Variants in FLT1 observed in about 807,000 individuals in gnomAD.
FLT1 encodes the protein vascular endothelial growth factor receptor 1.
Under a neutral mutation model 156.3 loss-of-function variants are expected in FLT1, and 49 were observed. That is an observed-to-expected ratio of 0.31 (90% CI 0.25 to 0.40). The LOEUF (loss-of-function observed/expected upper bound fraction) is 0.40. FLT1 is among the 10% of genes least tolerant of loss of function. The pLI, the probability that FLT1 is intolerant of heterozygous loss-of-function variation, is 1.00. For synonymous variants in FLT1, 594 were observed against 583.8 expected (o/e 1.02, Z -0.25); for missense variants, 1,322 against 1,637.2 (o/e 0.81, Z 3.32).
chr13:28,332,476 A>C (rs1369373528), intron 18 of FLT1, among the ~76,000 whole-genome samples: 1 of 152,148 alleles, frequency 6.6e-6, no homozygotes, highest in African/African-American at 2.4e-5. Context: ...TTCCAGATTT[A>C]GTTTCCACCT....
At chr13:28,450,959 A>C (rs1021167837) in intron 3 of FLT1, among the ~76,000 whole-genome samples, 1 of 152,216 alleles carries the variant, frequency 6.6e-6, no homozygotes, top group Non-Finnish European at 1.5e-5. Context: ...GGGAGAAATG[A>C]GGGCCCAGAA....
rs764448426 is a variant in FLT1, at chr13:28,427,806, T to C, written c.1222A>G (p.Ser408Gly). 1 of 1,613,994 alleles carries C rather than the reference T, an allele frequency of 6.2e-7. No homozygotes were observed. The highest frequency in any genetic ancestry group is 8.5e-7 in the Non-Finnish European group (1 of 1,179,876). ...EDAGNYTILL[S>G]IKQSNVFKNL... The stretch of plus-strand genomic sequence containing the variant: ...TTAAACACATTTGACTGTTTTATGC[T>C]CAGCAAGATTGTATAATTCCCTGCA... Residue 408 changes from serine to glycine, a missense_variant, in exon 9 of 30, where the codon AGC becomes GGC. Physicochemically the swap from Ser to Gly is moderately conservative, Grantham distance 56. This residue lies in a region of FLT1 where 991 missense variants were observed against 1,254.8 expected (regional missense o/e 0.79). Transcript: ENST00000282397.
chr13:28,345,567 A>T lies in FLT1; in HGVS notation c.2249-16T>A, dbSNP rs2138859516. On this transcript the variant is annotated splice_polypyrimidine_tract_variant and intron_variant, in intron 15 of 29. Coordinates refer to ENST00000282397, the MANE Select transcript of FLT1 (RefSeq NM_002019.4). ...TCCGAGGTTCCTGGAGAGAAAAAAA[A>T]TCACAATAGTGGTGCAACAAAGAAA... 6.9e-7 allele frequency: 1 copy of T among 1,448,316 alleles called. No individual in the cohort carries two copies. The highest frequency in any genetic ancestry group is 9.7e-7 in the Non-Finnish European group (1 of 1,033,698). 89.7% of individuals were successfully genotyped at this position (1,448,316 alleles called of 1,614,324 possible).
chr13:28,370,001 AC>A (rs1462933338), intron 14 of FLT1, among the ~76,000 whole-genome samples: 1 of 152,040 alleles, frequency 6.6e-6, no homozygotes, highest in Non-Finnish European at 1.5e-5. Flanking sequence ...GGAGTTCAGG[AC>A]CAGCCTGGGC....
chr13:28,349,637 G>A (rs983216928), intron 15 of FLT1, among the ~76,000 whole-genome samples: 15 of 152,238 alleles, frequency 9.9e-5, no homozygotes, highest in African/African-American at 3.1e-4. Flanking sequence ...GATGCTTCCC[G>A]CATGGAATGC....
intron 3 of FLT1, among the ~76,000 whole-genome samples, chr13:28,456,717 A>T (rs1400243229): frequency 1.3e-5 from 2 of 151,398 alleles, no homozygotes; most frequent in Non-Finnish European, 2.9e-5. Context: ...AATCGTTTGA[A>T]CCCTGGAGGC....
At position 28,327,498 on chromosome 13, in the gene FLT1, G is replaced by A. The variant is rs754441523; in HGVS notation, c.2760C>T (p.Tyr920=). Residue 920 remains tyrosine, a synonymous_variant, in exon 20 of 30, where the codon TAC becomes TAT. Coordinates refer to ENST00000282397, the MANE Select transcript of FLT1 (RefSeq NM_002019.4). ...EYCKYGNLSN[Y]LKSKRDLFFL... ...AAAATAAGTCACGTTTGCTCTTGAG[G>A]TAGTTGGAGAGATTTCCATATTTGC... 6.2e-7 allele frequency: 1 copy of A among 1,613,552 alleles called. No individual in the cohort carries two copies. Among genetic ancestry groups the A allele is most frequent in the Non-Finnish European group, 8.5e-7 (1 of 1,179,492 alleles).
chr13:28,389,649 G>T, intron 13 of FLT1, 147 bp downstream of exon 13: 1 of 1,503,840 alleles, frequency 6.6e-7, no homozygotes, highest in Non-Finnish European at 8.9e-7. Flanking sequence ...GTTAGCAACA[G>T]TGACAATAAA....
At chr13:28,316,921 C>G (rs1194305704) in intron 25 of FLT1, among the ~76,000 whole-genome samples, 2 of 152,178 alleles carry the variant, frequency 1.3e-5, no homozygotes, top group Non-Finnish European at 2.9e-5. Flanking sequence ...CTGCGCCCGG[C>G]CCCTATTCCT....
chr13:28,449,501 G>A (rs571511612), intron 3 of FLT1, among the ~76,000 whole-genome samples: 15 of 152,164 alleles, frequency 9.9e-5, no homozygotes, highest in East Asian at 9.7e-4. Flanking sequence ...AACAACTGTC[G>A]CCACTATTGG....
At chr13:28,484,133 T>G (rs1324629233) in intron 1 of FLT1, among the ~76,000 whole-genome samples, 1 of 152,220 alleles carries the variant, frequency 6.6e-6, no homozygotes, top group Non-Finnish European at 1.5e-5. Flanking sequence ...TCACATTTTT[T>G]TCCCTTCCCT....
At chr13:28,403,071 G>A (rs1229497559) in intron 11 of FLT1, among the ~76,000 whole-genome samples, 2 of 152,192 alleles carry the variant, frequency 1.3e-5, no homozygotes, top group African/African-American at 4.8e-5. Flanking sequence ...TGGGATTACA[G>A]GCATGAGGCA....
chr13:28,412,885 C>T (rs1876394190), intron 10 of FLT1, among the ~76,000 whole-genome samples: 1 of 151,908 alleles, frequency 6.6e-6, no homozygotes, highest in Admixed American at 6.6e-5. Context: ...ACAGATGAAA[C>T]AATATAGGAG....
At chr13:28,334,832 A>G (rs539128367) in intron 17 of FLT1, among the ~76,000 whole-genome samples, 2 of 152,180 alleles carry the variant, frequency 1.3e-5, no homozygotes, top group South Asian at 4.1e-4. Flanking sequence ...ATGACTGTTA[A>G]TATGTTTCTT....
intron 1 of FLT1, among the ~76,000 whole-genome samples, chr13:28,484,419 G>A (rs1396945825): frequency 6.6e-6 from 1 of 152,204 alleles, no homozygotes; most frequent in Non-Finnish European, 1.5e-5. Context: ...CTGGTTTAAA[G>A]CCATATCTAG....
rs577484144 is a variant in FLT1, at chr13:28,302,670, C to G, written c.*497G>C. The G allele has an allele frequency of 3.0e-5, 7 of 235,864 alleles. No homozygotes were observed. The highest frequency in any genetic ancestry group is 1.8e-4 in the East Asian group (3 of 16,668). The allele number at this position is 235,864 out of a possible 1,614,324, so 14.6% of individuals were successfully genotyped here. On this transcript the variant is annotated 3_prime_UTR_variant, in exon 30 of 30. Coordinates refer to ENST00000282397, the MANE Select transcript of FLT1 (RefSeq NM_002019.4). The stretch of plus-strand genomic sequence containing the variant: ...CCTTCTCCCGGTTTCTCTTTTCTCC[C>G]TTGCTTTTTGCTTTTTTTCCTTTTC...
At chr13:28,431,382 T>C in intron 6 of FLT1, 72 bp from the exon 7 acceptor site, 1 of 1,098,478 alleles carries the variant, frequency 9.1e-7, no homozygotes, top group Non-Finnish European at 1.4e-6. Context: ...GATTTTAACA[T>C]TTCTTAGATC....
intron 16 of FLT1, among the ~76,000 whole-genome samples, chr13:28,342,247 G>T (rs1393783809): frequency 1.3e-5 from 2 of 152,066 alleles, no homozygotes; most frequent in Non-Finnish European, 2.9e-5. Context: ...CCCCGCTCTG[G>T]GGAGTAGGAA....
intron 25 of FLT1, among the ~76,000 whole-genome samples, chr13:28,316,914 C>T (rs143811096): frequency 1.3e-5 from 2 of 152,168 alleles, no homozygotes; most frequent in African/African-American, 4.8e-5. Flanking sequence ...TGAGCCACTG[C>T]GCCCGGCCCC....
Sources: gnomAD v4.1 joint callset for allele counts (sites outside exome capture counted in the v4.1 genomes callset) on GRCh38, gnomAD v4.1.1 for gene constraint, gnomAD v4.1.1 regional missense constraint, MANE v1.5 for transcripts, NCBI Gene and HGNC (gene_info 2026-07-23, HGNC 2026-07-21) for gene names.